The following CAPN13 variants were observed in gnomAD, a reference collection of about 807,000 sequenced individuals.
The protein encoded by CAPN13 is calpain 13.
In CAPN13, 90 loss-of-function variants were observed where a neutral mutation model predicts 98.4. The observed-to-expected ratio is 0.92, with a 90% CI of 0.77 to 1.09. The LOEUF (loss-of-function observed/expected upper bound fraction) is 1.09. CAPN13 is among the 50% of genes least tolerant of loss of function. The pLI is 0.00. For synonymous variants in CAPN13, 330 were observed against 305.5 expected (o/e 1.08, Z -0.84); for missense variants, 887 against 841.3 (o/e 1.05, Z -0.67).
rs13406330 is a variant in CAPN13, at chr2:30,764,468, C to T, written c.525-162G>A. ...CCCTTTGCCTGGATGGAGATTCTAG[C>T]ACTGTCTGCAGCTCCAGGGGCTCCT... On this transcript the variant is annotated intron_variant, in intron 5 of 22. Transcript: ENST00000295055. Among the ~76,000 whole-genome samples, 911 of 152,226 alleles carry T rather than the reference C, an allele frequency of 6.0e-3. 13 individuals are homozygous for T. The highest frequency in any genetic ancestry group is 0.021 in the African/African-American group (857 of 41,528).
chr2:30,790,432 AG>A (rs1257056247), intron 1 of CAPN13, among the ~76,000 whole-genome samples: 3 of 152,240 alleles, frequency 2.0e-5, no homozygotes, highest in African/African-American at 7.2e-5. Flanking sequence ...TCACACAAGG[AG>A]AGCTAGAAAC....
In CAPN13 at chr2:30,723,184, C is replaced by G. The variant is rs1221022954; in HGVS notation, c.*83G>C. On this transcript the variant is annotated 3_prime_UTR_variant, in exon 23 of 23. Coordinates refer to ENST00000295055, the MANE Select transcript of CAPN13 (RefSeq NM_144575.3). ...TTATCACAACCACCATACTGGGCAGCACAGCCTCTTAGAATGAGAGCCAGA... is the reference window on the plus strand; with the variant it reads ...TTATCACAACCACCATACTGGGCAGGACAGCCTCTTAGAATGAGAGCCAGA... The G allele has an allele frequency of 2.0e-5, 3 of 152,262 alleles. No individual in the cohort carries two copies. Among genetic ancestry groups the G allele is most frequent in the Non-Finnish European group, 2.9e-5 (2 of 68,116 alleles). The allele number at this position is 152,262 out of a possible 1,614,324, so 9.4% of individuals were successfully genotyped here.
intron 2 of CAPN13, among the ~76,000 whole-genome samples, chr2:30,780,980 T>C (rs924321401): frequency 6.6e-6 from 1 of 152,182 alleles, no homozygotes; most frequent in Non-Finnish European, 1.5e-5. Context: ...AGAACCTGGA[T>C]TAGATTCAGG....
At chr2:30,790,075 C>G (rs950375440) in intron 1 of CAPN13, among the ~76,000 whole-genome samples, 5 of 152,194 alleles carry the variant, frequency 3.3e-5, no homozygotes, top group Admixed American at 3.3e-4. Context: ...GAAGCTTGTT[C>G]CCGCCTCCAC....
intron 1 of CAPN13, among the ~76,000 whole-genome samples, chr2:30,803,871 T>C (rs7597567): frequency 0.62 from 94,965 of 152,070 alleles, 30,850 homozygotes; most frequent in African/African-American, 0.81. Context: ...CCTTGGGGAT[T>C]GCCTTGTTCA....
intron 9 of CAPN13, 146 bp downstream of exon 9, chr2:30,754,144 G>A (rs1672318041): frequency 4.0e-6 from 2 of 501,348 alleles, no homozygotes. Context: ...CAAAGTTTTT[G>A]TGTCTTGGTA....
intron 1 of CAPN13, among the ~76,000 whole-genome samples, chr2:30,794,619 T>C (rs1423516449): frequency 2.0e-5 from 3 of 151,866 alleles, no homozygotes; most frequent in African/African-American, 7.2e-5. Context: ...ACATATTTAA[T>C]AGCCAAAAGT....
chr2:30,758,644 C>T (rs926503688), intron 7 of CAPN13, among the ~76,000 whole-genome samples: 2 of 152,172 alleles, frequency 1.3e-5, no homozygotes, highest in African/African-American at 4.8e-5. Flanking sequence ...ACTGAGATGG[C>T]CTGTGAACCA....
intron 6 of CAPN13, among the ~76,000 whole-genome samples, chr2:30,763,512 CTG>C (rs1672951860): frequency 6.6e-6 from 1 of 152,230 alleles, no homozygotes; most frequent in African/African-American, 2.4e-5. Context: ...TTGGGAGTAA[CTG>C]GAGTTTAAAC....
At position 30,770,387 on chromosome 2, in the gene CAPN13, A is replaced by G. The variant is rs1474825806; in HGVS notation, c.450T>C (p.Asp150=). The change falls in exon 5 of 23, where the codon GAT becomes GAC. Residue 150 remains aspartate, a synonymous_variant. Transcript: ENST00000295055. ...GGCGAGGACGCACAAAGAGGCATTTATCTCCCTGGACAGGTAGGCGGTCAT... is the reference window on the plus strand; with the variant it reads ...GGCGAGGACGCACAAAGAGGCATTTGTCTCCCTGGACAGGTAGGCGGTCAT... ...VIDDRLPVQG[D]KCLFVRPRHQ... The G allele has an allele frequency of 1.2e-6, 2 of 1,613,858 alleles. No homozygotes were observed. Among genetic ancestry groups the G allele is most frequent in the African/African-American group, 2.7e-5 (2 of 74,924 alleles).
Position 30,754,423 on chromosome 2 carries a change from T to A in CAPN13, c.867-59A>T. 2.8e-6 allele frequency: 4 copies of A among 1,448,454 alleles called. No individual in the cohort carries two copies. The South Asian group carries it at 5.4e-5, about 20-fold the overall frequency. 89.7% of individuals were successfully genotyped at this position (1,448,454 alleles called of 1,614,324 possible). A position where few individuals can be genotyped will look rare whatever the true frequency, so the allele number is the denominator to read the frequency against. ...TTTCCAGTGCATTTTTTCTCAACCATGTGTGGGTCAACAGGGACCCTCTGT... is the reference window on the plus strand; with the variant it reads ...TTTCCAGTGCATTTTTTCTCAACCAAGTGTGGGTCAACAGGGACCCTCTGT... On this transcript the variant is annotated intron_variant, in intron 8 of 22. Coordinates refer to ENST00000295055, the MANE Select transcript of CAPN13 (RefSeq NM_144575.3).
At chr2:30,734,663 C>A (rs961229767) in intron 18 of CAPN13, 139 bp from the exon 19 acceptor site, 20 of 697,434 alleles carry the variant, frequency 2.9e-5, no homozygotes, top group Non-Finnish European at 3.8e-5. Context: ...GACACAGTGG[C>A]CACACCTGGT....
intron 21 of CAPN13, 149 bp downstream of exon 21, chr2:30,731,195 T>G: frequency 1.6e-6 from 1 of 638,082 alleles, no homozygotes; most frequent in South Asian, 2.3e-5. Context: ...GCCAGCGATA[T>G]ATAAGGCAGT....
In CAPN13 at chr2:30,722,943, G is replaced by A. The variant is rs1027054552; in HGVS notation, c.*324C>T. On this transcript the variant is annotated 3_prime_UTR_variant, in exon 23 of 23. Coordinates refer to ENST00000295055, the MANE Select transcript of CAPN13 (RefSeq NM_144575.3). ...GCTCTTCCAAGAAATGAATCCAACT[G>A]GTGACAGGGGACTCAGAGACAACTT... 3.9e-5 allele frequency: 6 copies of A among 152,236 alleles called. No individual in the cohort carries two copies. Among genetic ancestry groups the A allele is most frequent in the African/African-American group, 9.6e-5 (4 of 41,454 alleles). The allele number at this position is 152,236 out of a possible 1,614,324, so 9.4% of individuals were successfully genotyped here.
At chr2:30,796,479 C>G (rs1674890848) in intron 1 of CAPN13, among the ~76,000 whole-genome samples, 1 of 151,942 alleles carries the variant, frequency 6.6e-6, no homozygotes, top group African/African-American at 2.4e-5. Context: ...TCACAGAGCT[C>G]TGTCCTGTGT....
chr2:30,727,916 A>G (rs762665292), intron 22 of CAPN13, among the ~76,000 whole-genome samples: 4 of 152,148 alleles, frequency 2.6e-5, no homozygotes, highest in Non-Finnish European at 5.9e-5. Flanking sequence ...ATGTCTATCA[A>G]CTGAGGAATA....
intron 20 of CAPN13, among the ~76,000 whole-genome samples, chr2:30,732,169 CG>C (rs1671132807): frequency 6.6e-6 from 1 of 152,046 alleles, no homozygotes; most frequent in Admixed American, 6.5e-5. Context: ...AACCTGGAGA[CG>C]GGGACAGCGT....
At chr2:30,775,066 A>T (rs1198575818) in intron 4 of CAPN13, among the ~76,000 whole-genome samples, 3 of 152,152 alleles carry the variant, frequency 2.0e-5, no homozygotes, top group African/African-American at 7.2e-5. Context: ...GGAGATAGAA[A>T]ATTATCTATT....
At chr2:30,727,270 G>T (rs780889556) in intron 22 of CAPN13, among the ~76,000 whole-genome samples, 37 of 152,118 alleles carry the variant, frequency 2.4e-4, no homozygotes, top group Admixed American at 1.2e-3. Flanking sequence ...TGATTTCTCA[G>T]CTATACCACC....
Sources: gnomAD v4.1 joint callset for allele counts (sites outside exome capture counted in the v4.1 genomes callset) on GRCh38, gnomAD v4.1.1 for gene constraint, MANE v1.5 for transcripts, NCBI Gene and HGNC (gene_info 2026-07-23, HGNC 2026-07-21) for gene names.